The following YIF1A variants were observed in gnomAD, a reference collection of about 807,000 sequenced individuals.
YIF1A encodes the protein protein YIF1A.
A neutral mutation model predicts 32.6 loss-of-function variants in YIF1A; 28 were observed. That is an observed-to-expected ratio of 0.86 (90% confidence interval 0.64 to 1.18). The LOEUF (loss-of-function observed/expected upper bound fraction) is 1.18. Ranked by LOEUF, YIF1A falls within the 50% of genes most tolerant of loss-of-function variation. The pLI is 0.00. For missense variants in YIF1A, 373 were observed against 390.8 expected (o/e 0.95, Z 0.38); for synonymous variants, 175 against 162.2 (o/e 1.08, Z -0.60).
In YIF1A at chr11:66,288,070, G is replaced by A. The variant is rs890184788; in HGVS notation, c.243+11C>T. ...AAATTCTGCCACCCGTGCCCCGGGG[G>A]CAGGCCACACCTCCTTGTGCACCAT... On this transcript the variant is annotated intron_variant, in intron 2 of 7. Coordinates refer to ENST00000376901, the MANE Select transcript of YIF1A (RefSeq NM_020470.3). 2.5e-6 allele frequency: 4 copies of A among 1,612,246 alleles called. No individual in the cohort carries two copies. The highest frequency in any genetic ancestry group is 2.5e-6 in the Non-Finnish European group (3 of 1,179,466).
At chr11:66,288,504 G>C (rs1415411748) in intron 1 of YIF1A, among the ~76,000 whole-genome samples, 1 of 152,242 alleles carries the variant, frequency 6.6e-6, no homozygotes, top group Non-Finnish European at 1.5e-5. Flanking sequence ...CAAAGAAAGA[G>C]CTGAGGCAGC....
At position 66,287,824 on chromosome 11, in the gene YIF1A, G is replaced by T. The variant is rs943295884; in HGVS notation, c.336C>A (p.Pro112=). 4.3e-6 allele frequency: 7 copies of T among 1,613,962 alleles called. No homozygotes were observed. The highest frequency in any genetic ancestry group is 5.9e-6 in the Non-Finnish European group (7 of 1,180,006). Residue 112 remains proline, a synonymous_variant, in exon 3 of 8, where the codon CCC becomes CCA. Coordinates refer to ENST00000376901, the MANE Select transcript of YIF1A (RefSeq NM_020470.3). ...VAKKLGLLVF[P]YTHQNWEVQY... ...GTAGGAAGCTCACCTGGTGTGTGTA[G>T]GGGAAGACCAGCAGCCCTAGCTTCT...
chr11:66,288,384 G>A lies in YIF1A; in HGVS notation c.32-92C>T, dbSNP rs150637683. 6.5e-5 allele frequency: 97 copies of A among 1,496,586 alleles called. No homozygotes were observed. The East Asian group carries it at 2.2e-3, about 34-fold the overall frequency. 92.7% of individuals were successfully genotyped at this position (1,496,586 alleles called of 1,614,324 possible). ...TCCCTGGCTGGACAGCCCTGCACGG[G>A]TCCTGGAGGCACCGATCAGTGAGGG... On this transcript the variant is annotated intron_variant, in intron 1 of 7. Coordinates refer to ENST00000376901, the MANE Select transcript of YIF1A (RefSeq NM_020470.3).
chr11:66,289,069 G>C lies in YIF1A; in HGVS notation c.-84C>G. On this transcript the variant is annotated 5_prime_UTR_variant, in exon 1 of 8. Coordinates refer to ENST00000376901, the MANE Select transcript of YIF1A (RefSeq NM_020470.3). ...AATGAGGCAGCTGCTCCGCGCCCAG[G>C]GTACCGACCGAGGCCACCCGGCCGC... 1 of 1,474,450 alleles carries C rather than the reference G, an allele frequency of 6.8e-7. No individual in the cohort carries two copies. The highest frequency in any genetic ancestry group is 1.3e-5 in the South Asian group (1 of 77,910). The allele number at this position is 1,474,450 out of a possible 1,614,324, so 91.3% of individuals were successfully genotyped here.
chr11:66,287,753 G>T, intron 3 of YIF1A, 59 bp downstream of exon 3: 1 of 1,609,622 alleles, frequency 6.2e-7, no homozygotes, highest in Non-Finnish European at 8.5e-7. Flanking sequence ...GTTGAGGTCT[G>T]GGGGCCAGAC....
intron 2 of YIF1A, 40 bp downstream of exon 2, chr11:66,288,041 C>T: frequency 2.5e-6 from 4 of 1,610,482 alleles, no homozygotes; most frequent in Non-Finnish European, 3.4e-6. Flanking sequence ...CCAGCCCTAG[C>T]CAAAAATTCT....
chr11:66,285,596 G>C, intron 5 of YIF1A, 60 bp from the exon 6 acceptor site: 1 of 1,611,420 alleles, frequency 6.2e-7, no homozygotes. Context: ...GAGGAAGAGA[G>C]ACTGGGGCAA....
At chr11:66,287,321 T>G in intron 4 of YIF1A, 1 of 479,688 alleles carries the variant, frequency 2.1e-6, no homozygotes, top group Non-Finnish European at 3.8e-6. Context: ...AAGCCAGGTC[T>G]AAACCCAGAG....
intron 4 of YIF1A, chr11:66,286,986 G>A (rs1179494043): frequency 1.3e-5 from 2 of 157,388 alleles, no homozygotes; most frequent in Non-Finnish European, 2.8e-5. Flanking sequence ...CAACAGGACA[G>A]AGAAGAGTCA....
chr11:66,287,386 G>A (rs933237436), intron 4 of YIF1A: 21 of 588,806 alleles, frequency 3.6e-5, no homozygotes, highest in Non-Finnish European at 4.6e-5. Flanking sequence ...GTCTCAAAAG[G>A]GTGTCCTGGG....
In YIF1A at chr11:66,288,155, C is replaced by T. The variant is rs751519123; in HGVS notation, c.169G>A (p.Asp57Asn). 1.2e-6 allele frequency: 2 copies of T among 1,614,056 alleles called. No individual in the cohort carries two copies. Among genetic ancestry groups the T allele is most frequent in the South Asian group, 2.2e-5 (2 of 91,086 alleles). Residue 57 changes from aspartate to asparagine, a missense_variant, in exon 2 of 8, where the codon GAC becomes AAC. Coordinates refer to ENST00000376901, the MANE Select transcript of YIF1A (RefSeq NM_020470.3). ...GCCATAGCCACATTGGCCATTGGGT[C>T]CCCAAGCAAGTGGTTGACACTGAAG... ...VAFSVNHLLGDPMANVAMAYG... is the reference protein window; with the variant it reads ...VAFSVNHLLGNPMANVAMAYG...
intron 1 of YIF1A, 66 bp from the exon 2 acceptor site, chr11:66,288,358 T>C: frequency 6.3e-7 from 1 of 1,594,928 alleles, no homozygotes; most frequent in Non-Finnish European, 8.6e-7. Flanking sequence ...CCACCGCCCC[T>C]TCCCTGGCTG....
chr11:66,285,419 G>A lies in YIF1A; in HGVS notation c.603C>T (p.Thr201=), dbSNP rs1329438197. The A allele has an allele frequency of 1.9e-6, 3 of 1,613,446 alleles. No individual in the cohort carries two copies. Among genetic ancestry groups the A allele is most frequent in the South Asian group, 1.1e-5 (1 of 91,076 alleles). ...AGCCACTGTAGGCCAGCAGGTGAAA[G>A]GTGCTCAGGTCACTGCGCACGGTGG... ...YLATVRSDLS[T]FHLLAYSGYK... is the part of the protein sequence containing the mutation. The change falls in exon 6 of 8, where the codon ACC becomes ACT. Residue 201 remains threonine (T), a synonymous_variant. Transcript: ENST00000376901.
rs747449469 is a variant in YIF1A at position 66,285,738 on chromosome 11, C to G, written c.448G>C (p.Val150Leu). The G allele has an allele frequency of 6.2e-7, 1 of 1,613,136 alleles. No individual in the cohort carries two copies. The highest frequency in any genetic ancestry group is 8.5e-7 in the Non-Finnish European group (1 of 1,179,894). ...YIPTMAFITY[V>L]LLAGMALGIQ... ...CCCAGTGCCATCCCAGCCAGGAGCA[C>G]GTAAGTAATGAAGGCCATCGCTGCC... is the stretch of plus-strand genomic sequence containing the variant. The change falls in exon 5 of 8, where the codon GTG (valine) becomes CTG (leucine). Residue 150 changes from valine to leucine, a missense_variant. By Grantham distance (32) the Val-to-Leu change is conservative (BLOSUM62 1). Transcript: ENST00000376901.
intron 1 of YIF1A, 98 bp downstream of exon 1, chr11:66,288,857 G>C (rs1374228878): frequency 9.7e-6 from 13 of 1,338,846 alleles, no homozygotes; most frequent in Middle Eastern, 2.7e-4. Context: ...CCCCGCCCTG[G>C]GCGGCGGTCC....
intron 1 of YIF1A, 127 bp from the exon 2 acceptor site, chr11:66,288,419 C>T (rs1590897465): frequency 2.8e-6 from 3 of 1,084,332 alleles, no homozygotes; most frequent in Non-Finnish European, 4.1e-6. Context: ...GGACCCCAAG[C>T]TGGGTGAGGG....
intron 4 of YIF1A, among the ~76,000 whole-genome samples, chr11:66,286,604 G>A (rs1240653022): frequency 1.3e-5 from 2 of 152,162 alleles, no homozygotes; most frequent in Non-Finnish European, 2.9e-5. Context: ...TCCAGACTGG[G>A]TGACAGAGTG....
At position 66,287,600 on chromosome 11, in the gene YIF1A, G is replaced by C. The variant is rs1857375719; in HGVS notation, c.425C>G (p.Pro142Arg). Residue 142 changes from proline to arginine, a missense_variant and splice_region_variant, in exon 4 of 8, where the codon CCC (proline) becomes CGC (arginine). Pro to Arg is a moderately radical substitution (Grantham distance 103, BLOSUM62 -2). Coordinates refer to ENST00000376901, the MANE Select transcript of YIF1A (RefSeq NM_020470.3). ...QDLNAPDLYIPTMAFITYVLL... is the reference protein window; with the variant it reads ...QDLNAPDLYIRTMAFITYVLL... Reference sequence around the variant, plus strand: ...CCCAGCCCAGGTTGGAGACTCACTGGGGATATAGAGGTCAGGGGCGTTGAG... The same window carrying C: ...CCCAGCCCAGGTTGGAGACTCACTGCGGATATAGAGGTCAGGGGCGTTGAG... 2.5e-6 allele frequency: 4 copies of C among 1,613,068 alleles called. No individual in the cohort carries two copies. Among genetic ancestry groups the C allele is most frequent in the Non-Finnish European group, 3.4e-6 (4 of 1,179,822 alleles).
chr11:66,288,846 C>A lies in YIF1A; in HGVS notation c.31+109G>T, dbSNP rs912797741. 8 of 1,274,766 alleles carry A rather than the reference C, an allele frequency of 6.3e-6. No individual in the cohort carries two copies. The South Asian group carries it at 1.2e-4, about 19-fold the overall frequency. 79.0% of individuals were successfully genotyped at this position (1,274,766 alleles called of 1,614,324 possible). A position where few individuals can be genotyped will look rare whatever the true frequency, so the allele number is the denominator to read the frequency against. ...ACGAGGGGCAGGAACCCGAGTGACA[C>A]CCCCGCCCTGGGCGGCGGTCCCAGT... On this transcript the variant is annotated intron_variant, in intron 1 of 7. Transcript: ENST00000376901.
Sources: allele counts gnomAD v4.1 joint callset (sites outside exome capture counted in the v4.1 genomes callset), GRCh38; gene constraint gnomAD v4.1.1; transcripts MANE v1.5; gene names NCBI Gene and HGNC (gene_info 2026-07-23, HGNC 2026-07-21).